CCDC146: variants seen among roughly 807,000 people sequenced by gnomAD.
The protein encoded by CCDC146 is coiled-coil domain-containing protein 146.
CCDC146 carries 92 observed loss-of-function variants against 119.3 expected under a neutral mutation model. The ratio of observed to expected loss-of-function variants is 0.77; its 90% CI spans 0.65 to 0.92. The LOEUF (loss-of-function observed/expected upper bound fraction) is 0.92, where lower values mean the gene tolerates loss of function less well. Among genes scored for constraint, CCDC146 ranks in the 40% least tolerant of loss-of-function variants. The pLI is 0.00. For synonymous variants in CCDC146, 372 were observed against 371.8 expected (o/e 1.00, Z -0.01); for missense variants, 1,000 against 1,103.0 (o/e 0.91, Z 1.32).
intron 2 of CCDC146, among the ~76,000 whole-genome samples, chr7:77,204,563 A>G (rs756509528): frequency 1.3e-5 from 2 of 152,232 alleles, no homozygotes; most frequent in Non-Finnish European, 2.9e-5. Context: ...GATATTCACT[A>G]TTAATGAAAC....
intron 2 of CCDC146, among the ~76,000 whole-genome samples, chr7:77,210,838 G>A (rs969360359): frequency 6.6e-6 from 1 of 152,154 alleles, no homozygotes; most frequent in African/African-American, 2.4e-5. Flanking sequence ...AGGAGGGAGA[G>A]AGTGTGAAAG....
At chr7:77,161,733 C>T (rs1179381161) in intron 1 of CCDC146, among the ~76,000 whole-genome samples, 2 of 151,652 alleles carry the variant, frequency 1.3e-5, no homozygotes, top group Non-Finnish European at 2.9e-5. Flanking sequence ...CACATGTATA[C>T]ACATGTAAGT....
intron 2 of CCDC146, among the ~76,000 whole-genome samples, chr7:77,173,471 A>G (rs538267167): frequency 2.0e-3 from 307 of 152,118 alleles, no homozygotes; most frequent in African/African-American, 7.1e-3. Context: ...TCTACTAAAA[A>G]TACAAAAATT....
chr7:77,271,535 T>A lies in CCDC146; in HGVS notation c.1174-2159T>A, dbSNP rs1381474813. ...GGAGATATATATATATATATATATA[T>A]ATATATATATATATATATATATATA... On this transcript the variant is annotated intron_variant, in intron 9 of 18. Transcript: ENST00000285871. Among the ~76,000 whole-genome samples the A allele has an allele frequency of 4.7e-5, 2 of 42,372 alleles. 1 individual carries two copies. 27.8% of individuals were successfully genotyped at this position (42,372 alleles called of 152,430 possible). A position where few individuals can be genotyped will look rare whatever the true frequency, so the allele number is the denominator to read the frequency against.
intron 4 of CCDC146, among the ~76,000 whole-genome samples, chr7:77,248,715 C>T (rs779451714): frequency 7.2e-5 from 11 of 152,152 alleles, no homozygotes; most frequent in Middle Eastern, 3.2e-3. Context: ...GTTCAAAATA[C>T]GGTTATTGGA....
At chr7:77,294,012 G>T (rs1279144318) in intron 18 of CCDC146, among the ~76,000 whole-genome samples, 1 of 152,204 alleles carries the variant, frequency 6.6e-6, no homozygotes, top group East Asian at 1.9e-4. Flanking sequence ...GATTTTACCT[G>T]TGGTGTCCCA....
At chr7:77,183,392 A>T (rs1473450826) in intron 2 of CCDC146, among the ~76,000 whole-genome samples, 1 of 152,086 alleles carries the variant, frequency 6.6e-6, no homozygotes. Flanking sequence ...GTAGATACTT[A>T]ACTTTGACTT....
chr7:77,276,899 CA>C (rs1793656431), intron 11 of CCDC146, among the ~76,000 whole-genome samples: 7 of 152,082 alleles, frequency 4.6e-5, no homozygotes, highest in Admixed American at 3.9e-4. Flanking sequence ...GGTGAAAGCC[CA>C]TCTCTACTAA....
intron 2 of CCDC146, among the ~76,000 whole-genome samples, chr7:77,178,275 A>G (rs375696715): frequency 6.6e-6 from 1 of 152,014 alleles, no homozygotes; most frequent in African/African-American, 2.4e-5. Flanking sequence ...TGAACAAGCT[A>G]TGCTTAGTGG....
chr7:77,136,113 A>T (rs1303002944), intron 1 of CCDC146, among the ~76,000 whole-genome samples: 1 of 152,246 alleles, frequency 6.6e-6, no homozygotes, highest in Non-Finnish European at 1.5e-5. Flanking sequence ...AAAACAACGT[A>T]TCAACGTTTG....
intron 13 of CCDC146, among the ~76,000 whole-genome samples, chr7:77,280,143 A>G (rs1199735014): frequency 6.6e-6 from 1 of 152,170 alleles, no homozygotes; most frequent in African/African-American, 2.4e-5. Context: ...GAGAATGACA[A>G]TAAATGAATG....
At chr7:77,273,349 CT>C (rs1322997782) in intron 9 of CCDC146, among the ~76,000 whole-genome samples, 1 of 152,142 alleles carries the variant, frequency 6.6e-6, no homozygotes, top group Non-Finnish European at 1.5e-5. Context: ...ACATTTGCAG[CT>C]GGCAAATTAT....
chr7:77,185,001 G>A (rs992693354), intron 2 of CCDC146, among the ~76,000 whole-genome samples: 5 of 152,104 alleles, frequency 3.3e-5, no homozygotes, highest in African/African-American at 9.7e-5. Context: ...TGGAAAATTA[G>A]TCCACTTCCT....
At chr7:77,173,610 C>A (rs913875904) in intron 2 of CCDC146, among the ~76,000 whole-genome samples, 19 of 152,122 alleles carry the variant, frequency 1.2e-4, no homozygotes, top group South Asian at 2.1e-4. Flanking sequence ...GTCTGGGCAA[C>A]AAGTGAAACT....
At chr7:77,181,173 A>T (rs1449936428) in intron 2 of CCDC146, among the ~76,000 whole-genome samples, 4 of 152,178 alleles carry the variant, frequency 2.6e-5, no homozygotes, top group African/African-American at 7.2e-5. Context: ...CAGAAGACAG[A>T]GGGAGAGGGC....
intron 2 of CCDC146, among the ~76,000 whole-genome samples, chr7:77,221,256 A>G (rs963908113): frequency 1.3e-5 from 2 of 152,206 alleles, no homozygotes; most frequent in Non-Finnish European, 2.9e-5. Flanking sequence ...ACAGATCCAG[A>G]CCACATCATT....
At chr7:77,235,384 A>G (rs1792715011) in intron 2 of CCDC146, among the ~76,000 whole-genome samples, 1 of 152,234 alleles carries the variant, frequency 6.6e-6, no homozygotes, top group South Asian at 2.1e-4. Context: ...TTAAGCTGAG[A>G]CATGAAGAAA....
chr7:77,240,237 T>C (rs1302237580), intron 3 of CCDC146, among the ~76,000 whole-genome samples: 1 of 152,220 alleles, frequency 6.6e-6, no homozygotes, highest in Non-Finnish European at 1.5e-5. Context: ...CACATTCCCA[T>C]TGAGTGATCC....
intron 2 of CCDC146, among the ~76,000 whole-genome samples, chr7:77,213,547 G>C (rs1006806187): frequency 6.6e-6 from 1 of 152,038 alleles, no homozygotes; most frequent in Non-Finnish European, 1.5e-5. Context: ...GCATAATGTT[G>C]GGTTTGGCTT....
Sources: allele counts gnomAD v4.1 joint callset (sites outside exome capture counted in the v4.1 genomes callset), GRCh38; gene constraint gnomAD v4.1.1; transcripts MANE v1.5; gene names NCBI Gene and HGNC (gene_info 2026-07-23, HGNC 2026-07-21).